The following SLC13A3 variants were observed in gnomAD, a reference collection of about 807,000 sequenced individuals.
The protein encoded by SLC13A3 is solute carrier family 13 member 3, also known as Na(+)/dicarboxylate cotransporter 3.
A neutral mutation model predicts 59.0 loss-of-function variants in SLC13A3; 40 were observed. That is an observed-to-expected ratio of 0.68 (90% CI 0.53 to 0.88). SLC13A3 has a LOEUF of 0.88. SLC13A3 is among the 40% of genes least tolerant of loss of function. SLC13A3 has a pLI of 0.00. For synonymous variants in SLC13A3, 317 were observed against 330.3 expected (o/e 0.96, Z 0.44); for missense variants, 699 against 783.2 (o/e 0.89, Z 1.28).
intron 9 of SLC13A3, among the ~76,000 whole-genome samples, chr20:46,581,432 C>T (rs769505081): frequency 2.0e-5 from 3 of 152,190 alleles, no homozygotes; most frequent in Non-Finnish European, 4.4e-5. Flanking sequence ...CAATGGGAAA[C>T]AGAGACCCAC....
At position 46,613,737 on chromosome 20, in the gene SLC13A3, G is replaced by A; in HGVS notation, c.112-12C>T. 1 of 1,587,364 alleles carries A rather than the reference G, an allele frequency of 6.3e-7. No homozygotes were observed. Among genetic ancestry groups the A allele is most frequent in the Non-Finnish European group, 8.6e-7 (1 of 1,165,738 alleles). ...AAGCAGCGGCCTTCCTGCAGGAGGA[G>A]ATGCATGCTCAGAGGGTCAGCGGGG... On this transcript the variant is annotated splice_polypyrimidine_tract_variant and intron_variant, in intron 1 of 12. Coordinates refer to ENST00000279027, the MANE Select transcript of SLC13A3 (RefSeq NM_022829.6).
At position 46,589,386 on chromosome 20, in the gene SLC13A3, C is replaced by T. The variant is rs189903890; in HGVS notation, c.921-131G>A. 7.4e-6 allele frequency: 5 copies of T among 674,184 alleles called. No individual in the cohort carries two copies. The Admixed American group carries it at 1.3e-4, about 17-fold the overall frequency. The allele number at this position is 674,184 out of a possible 1,614,324, so 41.8% of individuals were successfully genotyped here. A position where few individuals can be genotyped will look rare whatever the true frequency, so the allele number is the denominator to read the frequency against. Reference sequence around the variant, plus strand: ...AGGCTGCAACTGCCTGATAGCTTGTCTCCCTGCAACTGTCTTCCTTTGCTA... The same window carrying T: ...AGGCTGCAACTGCCTGATAGCTTGTTTCCCTGCAACTGTCTTCCTTTGCTA... On this transcript the variant is annotated intron_variant, in intron 6 of 12. Transcript: ENST00000279027.
chr20:46,560,199 C>A lies in SLC13A3; in HGVS notation c.1633-1G>T. The A allele has an allele frequency of 6.2e-7, 1 of 1,614,030 alleles. No individual in the cohort carries two copies. The highest frequency in any genetic ancestry group is 1.3e-5 in the African/African-American group (1 of 75,022). The stretch of plus-strand genomic sequence containing the variant: ...GGTTCATCAGGAGGCCTGTCCGCAC[C>A]TGAAATAGAGCCCAGACAGAGGGAG... On this transcript the variant is annotated splice_acceptor_variant, in intron 12 of 12. Transcript: ENST00000279027. LOFTEE classifies it high-confidence loss of function.
intron 1 of SLC13A3, among the ~76,000 whole-genome samples, chr20:46,629,587 C>G (rs2062716062): frequency 6.6e-6 from 1 of 151,858 alleles, no homozygotes; most frequent in African/African-American, 2.4e-5. Flanking sequence ...CTTACTTTTC[C>G]ACTTCATTTT....
intron 3 of SLC13A3, 85 bp from the exon 4 acceptor site, chr20:46,600,122 G>T: frequency 1.1e-6 from 1 of 946,450 alleles, no homozygotes; most frequent in Admixed American, 2.5e-5. Context: ...AGTCAAGAAT[G>T]CTTTCTTTGC....
In SLC13A3 at chr20:46,589,170, C is replaced by T. The variant is rs2062226866; in HGVS notation, c.1006G>A (p.Gly336Arg). The T allele has an allele frequency of 7.4e-6, 12 of 1,614,130 alleles. No homozygotes were observed. Among genetic ancestry groups the T allele is most frequent in the Non-Finnish European group, 8.5e-6 (10 of 1,179,970 alleles). The change falls in exon 7 of 13, where the codon GGG (glycine) becomes AGG (arginine). Residue 336 changes from glycine to arginine, a missense_variant. Transcript: ENST00000279027. ...AGGGCCCCCACATACTTGATGGGCC[C>T]CAGGTTCTGGTATTCTTCCCGAATT... ...AVIREEYQNL[G>R]PIKFAEQAVF...
intron 1 of SLC13A3, among the ~76,000 whole-genome samples, chr20:46,679,440 C>G (rs2063142995): frequency 6.6e-6 from 1 of 152,026 alleles, no homozygotes; most frequent in South Asian, 2.1e-4. Flanking sequence ...CGGTGAAACC[C>G]CGTCTCTACT....
intron 1 of SLC13A3, among the ~76,000 whole-genome samples, chr20:46,632,894 TAGATAGATAGATAG>T (rs2062754928): frequency 1.6e-5 from 1 of 61,986 alleles, no homozygotes. Flanking sequence ...GATAGATAGA[TAGATAGATAGATAG>T]ATATATCTAT....
chr20:46,638,328 T>C (rs1318150684), intron 1 of SLC13A3, among the ~76,000 whole-genome samples: 1 of 152,230 alleles, frequency 6.6e-6, no homozygotes, highest in Non-Finnish European at 1.5e-5. Flanking sequence ...GAATGTTCCT[T>C]TGCTCTGCCC....
chr20:46,624,978 G>A (rs2062653493), intron 1 of SLC13A3, among the ~76,000 whole-genome samples: 1 of 152,168 alleles, frequency 6.6e-6, no homozygotes, highest in South Asian at 2.1e-4. Context: ...TCTGAGAAGG[G>A]GGAGATCCTC....
chr20:46,608,270 T>C (rs1210031406), intron 3 of SLC13A3, among the ~76,000 whole-genome samples: 1 of 152,178 alleles, frequency 6.6e-6, no homozygotes, highest in Non-Finnish European at 1.5e-5. Context: ...GATACAAAAA[T>C]TATATGAAAT....
At chr20:46,600,324 A>AAGGAAAGGAAGGAAGGAAGGAAAGG (rs61169434) in intron 3 of SLC13A3, among the ~76,000 whole-genome samples, 1 of 83,804 alleles carries the variant, frequency 1.2e-5, no homozygotes, top group African/African-American at 6.5e-5. Context: ...GGAAGGAAGG[A>AAGGAAAGGAAGGAAGGAAGGAAAGG]AAGGAAGGAA....
intron 5 of SLC13A3, among the ~76,000 whole-genome samples, chr20:46,595,395 T>C (rs1308313308): frequency 1.3e-5 from 2 of 152,190 alleles, no homozygotes; most frequent in Non-Finnish European, 2.9e-5. Flanking sequence ...ATCTTTCTTT[T>C]ATCCTCGTGC....
At chr20:46,598,880 G>A (rs2062343646) in intron 4 of SLC13A3, among the ~76,000 whole-genome samples, 1 of 151,768 alleles carries the variant, frequency 6.6e-6, no homozygotes, top group Non-Finnish European at 1.5e-5. Flanking sequence ...TGGCTTCCTG[G>A]CTGTTCTTTG....
chr20:46,619,354 G>A (rs1194486512), intron 1 of SLC13A3, among the ~76,000 whole-genome samples: 2 of 152,192 alleles, frequency 1.3e-5, no homozygotes, highest in Admixed American at 1.3e-4. Context: ...TCCAAGCTCT[G>A]TCATTAGAGC....
rs772524422 is a variant in SLC13A3, at chr20:46,566,366, C to G, written c.1357G>C (p.Gly453Arg). Reference protein sequence around the residue: ...CEESGLSVWIGGQLHPLENVP... With the variant: ...CEESGLSVWIRGQLHPLENVP... ...TTCTCCAGGGGGTGCAGCTGCCCAC[C>G]AATCCATACAGACAGCCCCGATTCC... The change falls in exon 11 of 13, where the codon GGT (glycine) becomes CGT (arginine). Residue 453 changes from glycine (G) to arginine (R), a missense_variant. Coordinates refer to ENST00000279027, the MANE Select transcript of SLC13A3 (RefSeq NM_022829.6). 2 of 1,613,076 alleles carry G rather than the reference C, an allele frequency of 1.2e-6. No homozygotes were observed. The highest frequency in any genetic ancestry group is 2.2e-5 in the South Asian group (2 of 90,994).
chr20:46,621,768 A>C (rs2062617237), intron 1 of SLC13A3, among the ~76,000 whole-genome samples: 1 of 152,214 alleles, frequency 6.6e-6, no homozygotes, highest in South Asian at 2.1e-4. Context: ...CTTCCCAAGA[A>C]ATGGTTCTAA....
chr20:46,594,723 A>G (rs1465424114), intron 5 of SLC13A3, among the ~76,000 whole-genome samples: 1 of 147,464 alleles, frequency 6.8e-6, no homozygotes, highest in Non-Finnish European at 1.5e-5. Context: ...GGTGAAATAC[A>G]CCCACAACTT....
chr20:46,626,883 T>C (rs1435800813), intron 1 of SLC13A3, among the ~76,000 whole-genome samples: 5 of 152,110 alleles, frequency 3.3e-5, no homozygotes, highest in Non-Finnish European at 7.4e-5. Flanking sequence ...TGCCTGGCCC[T>C]CTTGACCCCA....
Sources: gnomAD v4.1 joint callset for allele counts (sites outside exome capture counted in the v4.1 genomes callset) on GRCh38, gnomAD v4.1.1 for gene constraint, MANE v1.5 for transcripts, NCBI Gene and HGNC (gene_info 2026-07-23, HGNC 2026-07-21) for gene names.